The following DAB1 variants were observed in gnomAD, a reference collection of about 807,000 sequenced individuals.
DAB1 encodes disabled homolog 1.
A neutral mutation model predicts 64.6 loss-of-function variants in DAB1; 15 were observed. The ratio of observed to expected loss-of-function variants is 0.23; its 90% confidence interval spans 0.16 to 0.36. The LOEUF (loss-of-function observed/expected upper bound fraction) is 0.36. Among genes scored for constraint, DAB1 ranks in the 10% least tolerant of loss-of-function variants. The pLI is 1.00. For missense variants in DAB1, 596 were observed against 706.7 expected (o/e 0.84, Z 1.78); for synonymous variants, 235 against 251.9 (o/e 0.93, Z 0.64).
At chr1:57,182,112 CCTGACCTTGTGATCT>C (rs1663022757) in intron 2 of DAB1, among the ~76,000 whole-genome samples, 1 of 152,120 alleles carries the variant, frequency 6.6e-6, no homozygotes, top group Non-Finnish European at 1.5e-5. Flanking sequence ...GTCTCGATCT[CCTGACCTTGTGATCT>C]GCCCGCCTTG....
intron 6 of DAB1, among the ~76,000 whole-genome samples, chr1:57,751,887 G>T: frequency 6.6e-6 from 1 of 151,906 alleles, no homozygotes; most frequent in East Asian, 1.9e-4. Flanking sequence ...CCTCCCTGGA[G>T]AATTGAATGC....
intron 7 of DAB1, among the ~76,000 whole-genome samples, chr1:57,577,067 G>C (rs1485981359): frequency 1.3e-5 from 2 of 152,196 alleles, no homozygotes; most frequent in African/African-American, 2.4e-5. Flanking sequence ...CACAATAATT[G>C]TCTGCATACA....
intron 7 of DAB1, among the ~76,000 whole-genome samples, chr1:57,564,122 A>G (rs1347371338): frequency 6.6e-6 from 1 of 152,164 alleles, no homozygotes; most frequent in East Asian, 1.9e-4. Context: ...AACATTTGCT[A>G]TTCACCAATA....
chr1:57,228,934 A>G (rs1667468743), intron 2 of DAB1, among the ~76,000 whole-genome samples: 1 of 152,256 alleles, frequency 6.6e-6, no homozygotes. Context: ...TACTTATATC[A>G]GCATGAATAA....
Position 57,439,074 on chromosome 1 carries a change from C to G in DAB1, n.626-147908G>C, listed in dbSNP as rs995177269. Among the ~76,000 whole-genome samples the G allele has an allele frequency of 3.9e-5, 6 of 152,276 alleles. No individual in the cohort carries two copies. The South Asian group carries it at 1.2e-3, about 32-fold the overall frequency. On this transcript the variant is annotated intron_variant and non_coding_transcript_variant, in intron 7 of 20. Coordinates refer to the DAB1 transcript ENST00000485760. ...ATTCAAGGGTGGGTAGAGAACTTAC[C>G]GTTGTCTAACTAGACCGAGTCTCAG...
intron 4 of DAB1, among the ~76,000 whole-genome samples, chr1:58,331,524 TAGAA>T (rs1234191876): frequency 2.6e-5 from 4 of 152,170 alleles, no homozygotes; most frequent in African/African-American, 4.8e-5. Context: ...TATTTCATGA[TAGAA>T]AGAGTCCACT....
At chr1:57,186,853 T>C (rs1663616740) in intron 2 of DAB1, among the ~76,000 whole-genome samples, 1 of 152,232 alleles carries the variant, frequency 6.6e-6, no homozygotes, top group South Asian at 2.1e-4. Context: ...TCTTAAGGAA[T>C]AATTATGCTC....
chr1:57,600,087 G>A (rs1645558450), intron 7 of DAB1, among the ~76,000 whole-genome samples: 1 of 152,094 alleles, frequency 6.6e-6, no homozygotes, highest in African/African-American at 2.4e-5. Flanking sequence ...CCCATCACCA[G>A]GCCATGTCTC....
chr1:57,325,264 C>T (rs1356073560), intron 1 of DAB1, among the ~76,000 whole-genome samples: 2 of 152,210 alleles, frequency 1.3e-5, no homozygotes, highest in Non-Finnish European at 2.9e-5. Context: ...CAGAACAAAT[C>T]ACCTGCCCCC....
At chr1:57,978,959 C>T (rs1038744390) in intron 5 of DAB1, among the ~76,000 whole-genome samples, 3 of 152,080 alleles carry the variant, frequency 2.0e-5, no homozygotes, top group African/African-American at 7.2e-5. Flanking sequence ...TTGTACATTG[C>T]TGGTGGGAGT....
intron 5 of DAB1, among the ~76,000 whole-genome samples, chr1:57,895,459 CT>C (rs1299045859): frequency 6.6e-6 from 1 of 152,176 alleles, no homozygotes; most frequent in East Asian, 1.9e-4. Context: ...CCAGAAACAA[CT>C]AAATCAACCA....
In DAB1 at chr1:57,626,083, CT is replaced by C. The variant is rs1004421323; in HGVS notation, n.625+23508del. On this transcript the variant is annotated intron_variant and non_coding_transcript_variant, in intron 7 of 20. Coordinates refer to the DAB1 transcript ENST00000485760. ...TTAGGTAAAGCTCATTATGGAATCC[CT>C]TTTTTTTTTCTCAAGTTTGTTTCAA... 3.0e-4 allele frequency among the ~76,000 whole-genome samples: 44 copies of C among 149,048 alleles called. 1 individual carries two copies. In the Middle Eastern group the frequency reaches 0.011, roughly 36 times the overall value.
intron 7 of DAB1, among the ~76,000 whole-genome samples, chr1:57,619,736 G>A (rs1645833858): frequency 6.6e-6 from 1 of 152,116 alleles, no homozygotes; most frequent in Non-Finnish European, 1.5e-5. Context: ...GAGAGATGGA[G>A]TTGGCCAAGA....
intron 1 of DAB1, among the ~76,000 whole-genome samples, chr1:57,292,444 T>G (rs1672851758): frequency 6.6e-6 from 1 of 152,118 alleles, no homozygotes; most frequent in East Asian, 1.9e-4. Context: ...AACAGAAAGT[T>G]ATCTTTGTAA....
At chr1:58,352,836 A>C in intron 3 of DAB1, among the ~76,000 whole-genome samples, 1 of 151,802 alleles carries the variant, frequency 6.6e-6, no homozygotes. Context: ...GAGCCCAGAG[A>C]CTCCCTCTCC....
intron 1 of DAB1, among the ~76,000 whole-genome samples, chr1:57,847,436 G>A (rs1387630568): frequency 6.7e-6 from 1 of 149,058 alleles, no homozygotes; most frequent in Non-Finnish European, 1.5e-5. Flanking sequence ...AATGGTTTAA[G>A]TTCTTCTAAT....
intron 3 of DAB1, among the ~76,000 whole-genome samples, chr1:58,386,785 C>A (rs150996514): frequency 6.6e-6 from 1 of 152,146 alleles, no homozygotes; most frequent in African/African-American, 2.4e-5. Context: ...GAGAGCCAGG[C>A]GCAGTAGCTC....
intron 7 of DAB1, among the ~76,000 whole-genome samples, chr1:57,459,562 T>C (rs1010271363): frequency 1.3e-5 from 2 of 152,144 alleles, no homozygotes; most frequent in African/African-American, 4.8e-5. Context: ...TATTCTCTTA[T>C]GAAAAAATAA....
chr1:57,206,443 T>C lies in DAB1; in HGVS notation c.68-61014A>G, dbSNP rs368035314. Among the ~76,000 whole-genome samples, 85 of 152,344 alleles carry C rather than the reference T, an allele frequency of 5.6e-4. 1 individual carries two copies. The South Asian group carries it at 0.015, about 27-fold the overall frequency. ...ATATGGAAACAGTCTATGATTCTAT[T>C]AAAAAAGGCAGTGACCTAACACCAC... On this transcript the variant is annotated intron_variant, in intron 2 of 14. Transcript: ENST00000371236.
Sources: gnomAD v4.1 joint callset for allele counts (sites outside exome capture counted in the v4.1 genomes callset) on GRCh38, gnomAD v4.1.1 for gene constraint, MANE v1.5 for transcripts, NCBI Gene and HGNC (gene_info 2026-07-23, HGNC 2026-07-21) for gene names.